The following PCSK2 variants were observed in gnomAD, a reference collection of about 807,000 sequenced individuals.
PCSK2 encodes the protein proprotein convertase subtilisin/kexin type 2, also known as neuroendocrine convertase 2.
Under a neutral mutation model 69.7 loss-of-function variants are expected in PCSK2, and 14 were observed. The observed-to-expected ratio is 0.20, with a 90% CI of 0.13 to 0.31. PCSK2 has a LOEUF of 0.31. Ranked by LOEUF, PCSK2 falls within the 10% of genes least tolerant of loss-of-function variation. The pLI, the probability that PCSK2 is intolerant of heterozygous loss-of-function variation, is 1.00. For missense variants in PCSK2, 544 were observed against 842.5 expected, an observed-to-expected ratio of 0.65 and a Z score of 4.39; for synonymous variants, 307 against 320.7, an observed-to-expected ratio of 0.96 and a Z score of 0.46.
Position 17,436,692 on chromosome 20 carries a change from C to T in PCSK2, c.710-16C>T, listed in dbSNP as rs750767496. On this transcript the variant is annotated splice_polypyrimidine_tract_variant and intron_variant, in intron 7 of 11. Coordinates refer to ENST00000262545, the MANE Select transcript of PCSK2 (RefSeq NM_002594.5). Reference sequence around the variant, plus strand: ...GGGAACCCAAACATGGTGTCCTCTGCTCAACGTGTCCACAGGCATCCGGAT... The same window carrying T: ...GGGAACCCAAACATGGTGTCCTCTGTTCAACGTGTCCACAGGCATCCGGAT... 5 of 1,604,740 alleles carry T rather than the reference C, an allele frequency of 3.1e-6. No individual in the cohort carries two copies. In the South Asian group the frequency reaches 3.4e-5, roughly 11 times the overall value.
chr20:17,408,809 A>C (rs977627543), intron 5 of PCSK2, among the ~76,000 whole-genome samples: 2 of 152,244 alleles, frequency 1.3e-5, no homozygotes, highest in African/African-American at 2.4e-5. Flanking sequence ...TGCTAGTCTG[A>C]AGGAAGAAGC....
rs554206774 is a variant in PCSK2, at chr20:17,357,056, GCACCCTTTTATATATGTGCATAATCC to G, written c.283-1270_283-1245del. ...CAAAATATAATAGTAATATCTAGCA[GCACCCTTTTATATATGTGCATAATCC>G]TTGAGTTTGTACATGTTCGGAGACT... On this transcript the variant is annotated intron_variant, in intron 2 of 11. Transcript: ENST00000262545. Among the ~76,000 whole-genome samples, 737 of 152,344 alleles carry G rather than the reference GCACCCTTTTATATATGTGCATAATCC, an allele frequency of 4.8e-3. 3 individuals carry two copies. Among genetic ancestry groups the G allele is most frequent in the East Asian group, 0.034 (178 of 5,184 alleles).
At chr20:17,343,456 T>C (rs1249137749) in intron 2 of PCSK2, among the ~76,000 whole-genome samples, 1 of 152,208 alleles carries the variant, frequency 6.6e-6, no homozygotes, top group Non-Finnish European at 1.5e-5. Flanking sequence ...ACAGATATCT[T>C]CAGTAGAACT....
intron 2 of PCSK2, among the ~76,000 whole-genome samples, chr20:17,268,216 T>C (rs1482248858): frequency 6.6e-6 from 1 of 152,042 alleles, no homozygotes; most frequent in African/African-American, 2.4e-5. Flanking sequence ...TACAGGGCAC[T>C]CTTCTGCATA....
chr20:17,350,516 G>A (rs2029947573), intron 2 of PCSK2, among the ~76,000 whole-genome samples: 2 of 151,918 alleles, frequency 1.3e-5, no homozygotes, highest in African/African-American at 4.8e-5. Context: ...CAGCCCAGCA[G>A]GGAAGTGATC....
At chr20:17,419,610 G>T (rs2032078453) in intron 6 of PCSK2, among the ~76,000 whole-genome samples, 1 of 152,154 alleles carries the variant, frequency 6.6e-6, no homozygotes, top group Non-Finnish European at 1.5e-5. Context: ...CTGGTTGATA[G>T]ATGAGTGGCA....
intron 5 of PCSK2, among the ~76,000 whole-genome samples, chr20:17,370,868 C>T (rs1030971875): frequency 2.0e-5 from 3 of 152,208 alleles, no homozygotes; most frequent in African/African-American, 7.2e-5. Flanking sequence ...GCATTTTCTC[C>T]AAGGCTCTGA....
At chr20:17,362,269 G>A in intron 4 of PCSK2, among the ~76,000 whole-genome samples, 1 of 152,146 alleles carries the variant, frequency 6.6e-6, no homozygotes, top group East Asian at 1.9e-4. Context: ...ATGGCCTTTG[G>A]GTTCCCACAA....
intron 1 of PCSK2, among the ~76,000 whole-genome samples, chr20:17,228,638 TGGTTTTGCCTTGAA>T (rs912147324): frequency 3.3e-5 from 5 of 151,974 alleles, no homozygotes; most frequent in Non-Finnish European, 7.4e-5. Flanking sequence ...TTTTGGTTAT[TGGTTTTGCCTTGAA>T]GGGCCGCGCA....
chr20:17,338,208 T>G (rs1384066281), intron 2 of PCSK2, among the ~76,000 whole-genome samples: 1 of 151,442 alleles, frequency 6.6e-6, no homozygotes, highest in Admixed American at 6.6e-5. Flanking sequence ...TTGTTTTTTG[T>G]TTTTTTGAGA....
intron 2 of PCSK2, among the ~76,000 whole-genome samples, chr20:17,305,021 T>C (rs1178215150): frequency 6.6e-6 from 1 of 152,212 alleles, no homozygotes; most frequent in Non-Finnish European, 1.5e-5. Context: ...CTAGTAATGC[T>C]TCCATTGCCT....
chr20:17,278,949 C>T (rs1353955854), intron 2 of PCSK2, among the ~76,000 whole-genome samples: 1 of 152,002 alleles, frequency 6.6e-6, no homozygotes, highest in Non-Finnish European at 1.5e-5. Flanking sequence ...TGGTCAAACG[C>T]ATCCCCTAAA....
intron 6 of PCSK2, 77 bp downstream of exon 6, chr20:17,409,416 C>G (rs747842898): frequency 4.0e-5 from 37 of 929,430 alleles, no homozygotes; most frequent in Non-Finnish European, 5.8e-5. Context: ...TCAGGCTTGA[C>G]TACCACCAGC....
intron 6 of PCSK2, among the ~76,000 whole-genome samples, chr20:17,419,403 T>C (rs1030460501): frequency 6.6e-6 from 1 of 152,196 alleles, no homozygotes; most frequent in Non-Finnish European, 1.5e-5. Context: ...AGTATAATTT[T>C]CTCTTAGCTT....
At chr20:17,464,004 A>G (rs1052578188) in intron 10 of PCSK2, 3 of 152,184 alleles carry the variant, frequency 2.0e-5, no homozygotes, top group Non-Finnish European at 4.4e-5. Flanking sequence ...ATTTCATGAA[A>G]AAATAGCTTC....
chr20:17,459,695 T>G (rs960682526), intron 10 of PCSK2, among the ~76,000 whole-genome samples: 6 of 152,144 alleles, frequency 3.9e-5, no homozygotes, highest in African/African-American at 1.4e-4. Flanking sequence ...CTGGGTAAAG[T>G]TTTTTAAAAA....
intron 2 of PCSK2, among the ~76,000 whole-genome samples, chr20:17,269,413 C>G (rs1412545589): frequency 2.6e-5 from 4 of 152,122 alleles, no homozygotes; most frequent in Non-Finnish European, 5.9e-5. Flanking sequence ...CAAGAGAAGA[C>G]CAACTTTAGC....
chr20:17,415,934 C>A (rs139798710), intron 6 of PCSK2, among the ~76,000 whole-genome samples: 150 of 152,294 alleles, frequency 9.8e-4, no homozygotes, highest in African/African-American at 3.6e-3. Flanking sequence ...AAAGGATTCC[C>A]TATTTAATAA....
chr20:17,422,783 G>A (rs2032160723), intron 6 of PCSK2, among the ~76,000 whole-genome samples: 1 of 151,944 alleles, frequency 6.6e-6, no homozygotes, highest in Non-Finnish European at 1.5e-5. Context: ...CATACAGAGA[G>A]ACAAAAAGAT....
Sources: allele counts gnomAD v4.1 joint callset (sites outside exome capture counted in the v4.1 genomes callset), GRCh38; gene constraint gnomAD v4.1.1; transcripts MANE v1.5; gene names NCBI Gene and HGNC (gene_info 2026-07-23, HGNC 2026-07-21).